CRISPLD2: variants seen among roughly 807,000 people sequenced by gnomAD.
CRISPLD2 encodes the protein cysteine-rich secretory protein LCCL domain-containing 2.
A neutral mutation model predicts 71.1 loss-of-function variants in CRISPLD2; 47 were observed. The ratio of observed to expected loss-of-function variants is 0.66; its 90% CI spans 0.52 to 0.84. The LOEUF (loss-of-function observed/expected upper bound fraction) is 0.84. Among genes scored for constraint, CRISPLD2 ranks in the 40% least tolerant of loss-of-function variants. The pLI is 0.00. For missense variants in CRISPLD2, 830 were observed against 651.1 expected (o/e 1.27, Z -2.99); for synonymous variants, 317 against 250.1 (o/e 1.27, Z -2.52).
chr16:84,868,287 A>G (rs1375361712), intron 7 of CRISPLD2, among the ~76,000 whole-genome samples: 1 of 152,250 alleles, frequency 6.6e-6, no homozygotes, highest in African/African-American at 2.4e-5. Flanking sequence ...TTTTAATAAC[A>G]TACAACGTTT....
chr16:84,853,745 C>T (rs1716442794), intron 5 of CRISPLD2, among the ~76,000 whole-genome samples: 2 of 152,262 alleles, frequency 1.3e-5, no homozygotes, highest in Non-Finnish European at 2.9e-5. Flanking sequence ...AGAGCACAGC[C>T]TTCCCCGTGA....
rs982823593 is a variant in CRISPLD2 at position 84,907,888 on chromosome 16, A to G, written c.*1246A>G. On this transcript the variant is annotated 3_prime_UTR_variant, in exon 15 of 15. Transcript: ENST00000262424. ...AGTACACCCTGGCTGCCATCACTCTATAAAAGTGCTTCATGAGCCCAGACC... is the reference window on the plus strand; with the variant it reads ...AGTACACCCTGGCTGCCATCACTCTGTAAAAGTGCTTCATGAGCCCAGACC... 5.3e-5 allele frequency: 8 copies of G among 152,230 alleles called. 1 individual carries two copies. The highest frequency in any genetic ancestry group is 1.9e-4 in the East Asian group (1 of 5,200). 9.4% of individuals were successfully genotyped at this position (152,230 alleles called of 1,614,324 possible). A position where few individuals can be genotyped will look rare whatever the true frequency, so the allele number is the denominator to read the frequency against.
intron 1 of CRISPLD2, among the ~76,000 whole-genome samples, chr16:84,834,941 A>G (rs928724245): frequency 2.0e-5 from 3 of 152,104 alleles, no homozygotes; most frequent in African/African-American, 7.2e-5. Flanking sequence ...AATACATTGC[A>G]TTTGGAGGTC....
intron 2 of CRISPLD2, among the ~76,000 whole-genome samples, chr16:84,843,909 A>T (rs1916842190): frequency 6.6e-6 from 1 of 152,166 alleles, no homozygotes; most frequent in Admixed American, 6.5e-5. Context: ...TTGCTGGGAC[A>T]CGGGGAGAGA....
At chr16:84,823,937 T>C (rs1199303451) in intron 1 of CRISPLD2, among the ~76,000 whole-genome samples, 1 of 152,168 alleles carries the variant, frequency 6.6e-6, no homozygotes, top group Admixed American at 6.5e-5. Flanking sequence ...ATTTTGCTTG[T>C]AATCAAGTGA....
At chr16:84,851,357 G>T (rs1917084398) in intron 5 of CRISPLD2, among the ~76,000 whole-genome samples, 1 of 152,228 alleles carries the variant, frequency 6.6e-6, no homozygotes, top group South Asian at 2.1e-4. Context: ...ACAAATATGT[G>T]CTGATTCTTG....
At chr16:84,879,358 A>G (rs1055627215) in intron 12 of CRISPLD2, among the ~76,000 whole-genome samples, 2 of 69,290 alleles carry the variant, frequency 2.9e-5, no homozygotes, top group Admixed American at 1.9e-4. Flanking sequence ...ACTCTTTCCA[A>G]TTCTTTTTTT....
chr16:84,879,849 C>T (rs531354895), intron 12 of CRISPLD2, among the ~76,000 whole-genome samples: 1 of 152,302 alleles, frequency 6.6e-6, no homozygotes, highest in African/African-American at 2.4e-5. Flanking sequence ...CCCTGGGCTC[C>T]AGCCCACGGT....
At chr16:84,900,535 GCGCTGGGAGGCATCA>G (rs1407731137) in intron 14 of CRISPLD2, among the ~76,000 whole-genome samples, 397 of 7,930 alleles carry the variant, frequency 0.05, 1 homozygote, top group African/African-American at 0.24. Flanking sequence ...ACATCACACA[GCGCTGGGAGGCATCA>G]CACAGCGCTG....
At chr16:84,827,759 G>A (rs1916390361) in intron 1 of CRISPLD2, among the ~76,000 whole-genome samples, 1 of 151,882 alleles carries the variant, frequency 6.6e-6, no homozygotes, top group South Asian at 2.1e-4. Flanking sequence ...TAGAGACAGG[G>A]TTTCACCATG....
chr16:84,884,446 G>T (rs985469464), intron 13 of CRISPLD2, among the ~76,000 whole-genome samples: 1 of 152,224 alleles, frequency 6.6e-6, no homozygotes, highest in Non-Finnish European at 1.5e-5. Context: ...GAAAGGCGGG[G>T]CTCTGGGGTT....
chr16:84,891,458 C>CA (rs1251229410), intron 14 of CRISPLD2, among the ~76,000 whole-genome samples: 2 of 152,176 alleles, frequency 1.3e-5, no homozygotes, highest in African/African-American at 2.4e-5. Flanking sequence ...AGACAGCTTC[C>CA]ACGTTTTCTC....
rs749473978 is a variant in CRISPLD2, at chr16:84,889,235, A to G, written c.1311A>G (p.Ser437=). 1.2e-6 allele frequency: 2 copies of G among 1,614,144 alleles called. No homozygotes were observed. The highest frequency in any genetic ancestry group is 1.3e-5 in the African/African-American group (1 of 75,064). ...AGCCCTTCCTGTGCTTCCAGACCTCAAGCATCTGCAAGACAGCCGTGCACG... is the reference window on the plus strand; with the variant it reads ...AGCCCTTCCTGTGCTTCCAGACCTCGAGCATCTGCAAGACAGCCGTGCACG... ...VFGTNIYADT[S]SICKTAVHAG... is the part of the protein sequence containing the mutation. Residue 437 remains serine (S), a synonymous_variant, in exon 14 of 15, where the codon TCA becomes TCG. Transcript: ENST00000262424.
In CRISPLD2 at chr16:84,873,974, C is replaced by A; in HGVS notation, c.1156+11C>A. 6.2e-7 allele frequency: 1 copy of A among 1,600,110 alleles called. No individual in the cohort carries two copies. Among genetic ancestry groups the A allele is most frequent in the Non-Finnish European group, 8.5e-7 (1 of 1,175,764 alleles). Reference sequence around the variant, plus strand: ...TGTCAAAAGTGAAAGGTAAGCTAGCCAGTCTCTTTTGCGACCATAATACCT... The same window carrying A: ...TGTCAAAAGTGAAAGGTAAGCTAGCAAGTCTCTTTTGCGACCATAATACCT... On this transcript the variant is annotated intron_variant, in intron 11 of 14. Coordinates refer to ENST00000262424, the MANE Select transcript of CRISPLD2 (RefSeq NM_031476.4).
intron 7 of CRISPLD2, among the ~76,000 whole-genome samples, chr16:84,868,549 T>C (rs958034083): frequency 1.3e-5 from 2 of 152,184 alleles, no homozygotes; most frequent in African/African-American, 4.8e-5. Flanking sequence ...GAGTTCACTT[T>C]CTCTCTCAAG....
intron 1 of CRISPLD2, among the ~76,000 whole-genome samples, chr16:84,820,779 T>C (rs1477755412): frequency 6.6e-6 from 1 of 152,138 alleles, no homozygotes. Context: ...TTCTGCAGTC[T>C]GGGGGAACAC....
At chr16:84,827,274 G>A (rs182746533) in intron 1 of CRISPLD2, among the ~76,000 whole-genome samples, 398 of 152,204 alleles carry the variant, frequency 2.6e-3, no homozygotes, top group Non-Finnish European at 4.5e-3. Context: ...CCGTGTCTGC[G>A]GGGTTTGTCT....
chr16:84,898,603 C>G (rs140866203), intron 14 of CRISPLD2, among the ~76,000 whole-genome samples: 1 of 152,158 alleles, frequency 6.6e-6, no homozygotes, highest in Non-Finnish European at 1.5e-5. Flanking sequence ...GTGTCATTTC[C>G]CCTGACTCAT....
At chr16:84,904,078 CTG>C (rs1266815873) in intron 14 of CRISPLD2, among the ~76,000 whole-genome samples, 5 of 152,338 alleles carry the variant, frequency 3.3e-5, no homozygotes, top group Non-Finnish European at 5.9e-5. Context: ...CAGTTATCAT[CTG>C]GGGCAGAAAA....
Sources: gnomAD v4.1 joint callset for allele counts (sites outside exome capture counted in the v4.1 genomes callset) on GRCh38, gnomAD v4.1.1 for gene constraint, MANE v1.5 for transcripts, NCBI Gene and HGNC (gene_info 2026-07-23, HGNC 2026-07-21) for gene names.